RALGAPA2: variants seen among roughly 807,000 people sequenced by gnomAD.
RALGAPA2 encodes the protein ral GTPase-activating protein subunit alpha-2.
A neutral mutation model predicts 230.4 loss-of-function variants in RALGAPA2; 139 were observed. The ratio of observed to expected loss-of-function variants is 0.60; its 90% confidence interval spans 0.53 to 0.69. RALGAPA2 has a LOEUF of 0.69. Among genes scored for constraint, RALGAPA2 ranks in the 30% least tolerant of loss-of-function variants. The pLI, the probability that RALGAPA2 is intolerant of heterozygous loss-of-function variation, is 0.00. For missense variants in RALGAPA2, 2,163 were observed against 2,276.0 expected, an observed-to-expected ratio of 0.95 and a Z score of 1.01; for synonymous variants, 847 against 837.8, an observed-to-expected ratio of 1.01 and a Z score of -0.19.
At chr20:20,537,542 C>T (rs1602696808) in intron 24 of RALGAPA2, among the ~76,000 whole-genome samples, 1 of 151,228 alleles carries the variant, frequency 6.6e-6, no homozygotes. Context: ...ATTGCTTGAA[C>T]CCAGGAGATG....
At chr20:20,573,217 C>T (rs1283257205) in intron 20 of RALGAPA2, 149 bp from the exon 21 acceptor site, 2 of 712,816 alleles carry the variant, frequency 2.8e-6, no homozygotes, top group Admixed American at 6.4e-5. Context: ...GAGAGAAAAG[C>T]AGGATCAAGG....
At chr20:20,396,607 T>A (rs1286763415) in intron 39 of RALGAPA2, 88 bp downstream of exon 39, 2 of 1,251,398 alleles carry the variant, frequency 1.6e-6, no homozygotes, top group Admixed American at 4.4e-5. Context: ...TGATGCAGGG[T>A]CCGCTACCGA....
chr20:20,413,318 T>A (rs2060100673), intron 37 of RALGAPA2, among the ~76,000 whole-genome samples: 1 of 152,246 alleles, frequency 6.6e-6, no homozygotes, highest in Non-Finnish European at 1.5e-5. Context: ...AGACAGCACG[T>A]GTTTTTAAAT....
At chr20:20,503,890 T>C (rs1569449829) in intron 34 of RALGAPA2, among the ~76,000 whole-genome samples, 1 of 152,198 alleles carries the variant, frequency 6.6e-6, no homozygotes, top group East Asian at 1.9e-4. Context: ...AAGGAGTGTT[T>C]TTCTAAGATG....
chr20:20,635,194 G>A (rs937818831), intron 9 of RALGAPA2, among the ~76,000 whole-genome samples: 5 of 152,138 alleles, frequency 3.3e-5, no homozygotes, highest in Admixed American at 1.3e-4. Flanking sequence ...AATGGCTCCC[G>A]AGATTGCATC....
At chr20:20,479,325 G>T (rs544023570) in intron 36 of RALGAPA2, among the ~76,000 whole-genome samples, 1 of 152,034 alleles carries the variant, frequency 6.6e-6, no homozygotes, top group Non-Finnish European at 1.5e-5. Context: ...ATTTTATTAG[G>T]CTAGTACAAT....
intron 29 of RALGAPA2, 110 bp downstream of exon 29, chr20:20,524,720 A>G (rs755964097): frequency 1.2e-5 from 16 of 1,293,568 alleles, no homozygotes; most frequent in Non-Finnish European, 1.7e-5. Flanking sequence ...TGTTAAGGCC[A>G]ATAGAGAAGG....
intron 16 of RALGAPA2, among the ~76,000 whole-genome samples, chr20:20,600,873 G>C (rs776509821): frequency 6.6e-6 from 1 of 152,280 alleles, no homozygotes; most frequent in Admixed American, 6.5e-5. Flanking sequence ...AGGCCGAGGC[G>C]GGCAGATCAC....
intron 27 of RALGAPA2, among the ~76,000 whole-genome samples, chr20:20,530,180 G>A (rs1318104051): frequency 6.6e-6 from 1 of 152,200 alleles, no homozygotes; most frequent in East Asian, 1.9e-4. Flanking sequence ...AGCTCCTTCA[G>A]TTCCTAGTCA....
At position 20,391,563 on chromosome 20, in the gene RALGAPA2, T is replaced by A. The variant is rs1045363763; in HGVS notation, c.*1726A>T. The stretch of plus-strand genomic sequence containing the variant: ...TTCCGACAGGAACGACTGGCTCAGC[T>A]CTTTCTCATTTGTCCCAAGAGTGAG... On this transcript the variant is annotated 3_prime_UTR_variant, in exon 40 of 40. Coordinates refer to ENST00000202677, the MANE Select transcript of RALGAPA2 (RefSeq NM_020343.4). 1 of 152,160 alleles carries A rather than the reference T, an allele frequency of 6.6e-6. No individual in the cohort carries two copies. The highest frequency in any genetic ancestry group is 1.5e-5 in the Non-Finnish European group (1 of 68,040). 9.4% of individuals were successfully genotyped at this position (152,160 alleles called of 1,614,324 possible).
At chr20:20,585,053 T>C (rs2065094360) in intron 18 of RALGAPA2, 98 bp from the exon 19 acceptor site, 3 of 616,464 alleles carry the variant, frequency 4.9e-6, no homozygotes, top group South Asian at 2.5e-5. Context: ...AAGAAACAAA[T>C]AATAATAATA....
chr20:20,657,880 C>T (rs1236427452), intron 3 of RALGAPA2, among the ~76,000 whole-genome samples: 2 of 152,200 alleles, frequency 1.3e-5, no homozygotes, highest in Admixed American at 1.3e-4. Flanking sequence ...TTCTTCAGGT[C>T]TTTAATTTGG....
At chr20:20,566,318 A>C (rs1043756681) in intron 23 of RALGAPA2, among the ~76,000 whole-genome samples, 1 of 152,216 alleles carries the variant, frequency 6.6e-6, no homozygotes, top group Non-Finnish European at 1.5e-5. Flanking sequence ...AAGTGAGCCG[A>C]TAGCCATGGA....
At chr20:20,442,975 A>G (rs1335944577) in intron 37 of RALGAPA2, among the ~76,000 whole-genome samples, 1 of 152,222 alleles carries the variant, frequency 6.6e-6, no homozygotes, top group East Asian at 1.9e-4. Context: ...AAGATACGCT[A>G]GCATAGCCTT....
At chr20:20,404,013 C>A (rs1602269433) in intron 38 of RALGAPA2, among the ~76,000 whole-genome samples, 1 of 152,304 alleles carries the variant, frequency 6.6e-6, no homozygotes, top group African/African-American at 2.4e-5. Flanking sequence ...GCGGGAAAGG[C>A]AAGAGGAGCC....
chr20:20,601,784 T>C lies in RALGAPA2; in HGVS notation c.2101A>G (p.Ser701Gly). 1 of 1,613,544 alleles carries C rather than the reference T, an allele frequency of 6.2e-7. No individual in the cohort carries two copies. The highest frequency in any genetic ancestry group is 8.5e-7 in the Non-Finnish European group (1 of 1,179,620). The change falls in exon 16 of 40, where the codon AGC becomes GGC. Residue 701 changes from serine (S) to glycine (G), a missense_variant. Physicochemically the swap from Ser to Gly is moderately conservative, Grantham distance 56. Coordinates refer to ENST00000202677, the MANE Select transcript of RALGAPA2 (RefSeq NM_020343.4). ...VGRSFSLSWRSHPDVTEPMRF... is the reference protein window; with the variant it reads ...VGRSFSLSWRGHPDVTEPMRF... ...ATCGGTTCGGTCACATCTGGGTGGCTCCGCCAGCTGAGAGAAAAGGACCTC... is the reference window on the plus strand; with the variant it reads ...ATCGGTTCGGTCACATCTGGGTGGCCCCGCCAGCTGAGAGAAAAGGACCTC...
At chr20:20,625,405 C>CT (rs1332839562) in intron 10 of RALGAPA2, among the ~76,000 whole-genome samples, 1 of 152,138 alleles carries the variant, frequency 6.6e-6, no homozygotes, top group Non-Finnish European at 1.5e-5. Context: ...TACAGAGAGA[C>CT]TTTGTTTATC....
chr20:20,510,179 G>T (rs1602592654), intron 33 of RALGAPA2, among the ~76,000 whole-genome samples: 1 of 152,118 alleles, frequency 6.6e-6, no homozygotes, highest in Admixed American at 6.5e-5. Flanking sequence ...GCAAGCAGGA[G>T]AAGCTCATGA....
At chr20:20,465,879 C>T (rs1018429624) in intron 37 of RALGAPA2, among the ~76,000 whole-genome samples, 15 of 152,202 alleles carry the variant, frequency 9.9e-5, no homozygotes, top group African/African-American at 3.1e-4. Context: ...TAAATATTTC[C>T]TGAGGCCTAA....
Sources: gnomAD v4.1 joint callset for allele counts (sites outside exome capture counted in the v4.1 genomes callset) on GRCh38, gnomAD v4.1.1 for gene constraint, MANE v1.5 for transcripts, NCBI Gene and HGNC (gene_info 2026-07-23, HGNC 2026-07-21) for gene names.